Variants in PPA2 observed in about 807,000 individuals in gnomAD.
The protein encoded by PPA2 is inorganic pyrophosphatase 2, mitochondrial.
In PPA2, 48 loss-of-function variants were observed where a neutral mutation model predicts 49.5. That is an observed-to-expected ratio of 0.97 (90% CI 0.77 to 1.23). The LOEUF is 1.23. PPA2 is among the 50% of genes most tolerant of loss of function. The probability of loss-of-function intolerance (pLI) is 0.00; values close to 1 mark genes in which losing one functional copy is unlikely to be tolerated. For missense variants in PPA2, 429 were observed against 410.1 expected (o/e 1.05, Z -0.40); for synonymous variants, 131 against 139.9 (o/e 0.94, Z 0.45).
chr4:105,373,725 A>C (rs1402913817), intron 10 of PPA2, among the ~76,000 whole-genome samples: 2 of 151,440 alleles, frequency 1.3e-5, no homozygotes, highest in African/African-American at 4.9e-5. Context: ...AATTGATAGA[A>C]TATATTCAGA....
intron 7 of PPA2, chr4:105,405,397 C>A (rs895228527): frequency 2.6e-6 from 2 of 782,292 alleles, no homozygotes; most frequent in Non-Finnish European, 3.1e-6. Context: ...ACAACAGACA[C>A]GTTTACTTTT....
intron 7 of PPA2, among the ~76,000 whole-genome samples, chr4:105,418,676 T>C (rs1723116975): frequency 6.6e-6 from 1 of 152,232 alleles, no homozygotes; most frequent in Non-Finnish European, 1.5e-5. Flanking sequence ...ATAAAATCAC[T>C]GCACAGGTAA....
intron 9 of PPA2, among the ~76,000 whole-genome samples, chr4:105,390,277 A>G (rs1202025324): frequency 1.3e-5 from 2 of 152,172 alleles, no homozygotes; most frequent in East Asian, 1.9e-4. Flanking sequence ...CTAAAACACC[A>G]TAAACAATTA....
At chr4:105,420,211 A>G (rs1723192956) in intron 7 of PPA2, among the ~76,000 whole-genome samples, 1 of 152,156 alleles carries the variant, frequency 6.6e-6, no homozygotes, top group Non-Finnish European at 1.5e-5. Flanking sequence ...ACCTCAGGTG[A>G]TCTGCCTGCC....
At chr4:105,446,544 A>C in intron 4 of PPA2, 42 bp from the exon 5 acceptor site, 1 of 1,576,110 alleles carries the variant, frequency 6.3e-7, no homozygotes, top group Non-Finnish European at 8.6e-7. Context: ...TGGGATAAGA[A>C]ATAATTAATT....
intron 9 of PPA2, among the ~76,000 whole-genome samples, chr4:105,391,344 C>CAAAAAAAAAA (rs11373169): frequency 5.9e-5 from 6 of 102,514 alleles, no homozygotes; most frequent in East Asian, 3.1e-4. Context: ...CTTAAAGTAA[C>CAAAAAAAAAA]AAAAAAAAAA....
At chr4:105,433,089 T>C (rs1723886555) in intron 6 of PPA2, among the ~76,000 whole-genome samples, 1 of 152,214 alleles carries the variant, frequency 6.6e-6, no homozygotes, top group Non-Finnish European at 1.5e-5. Flanking sequence ...AGGTTTGGGT[T>C]CCTAAAGGAA....
chr4:105,379,804 T>C lies in PPA2; in HGVS notation c.939+6763A>G, dbSNP rs114466011. On this transcript the variant is annotated intron_variant, in intron 10 of 11. Coordinates refer to ENST00000341695, the MANE Select transcript of PPA2 (RefSeq NM_176869.3). ...GTGCATCACCATGCCCGCCTTATTT[T>C]TGTATATTTAGTAAAGATGGGGTTT... 4.5e-3 allele frequency among the ~76,000 whole-genome samples: 687 copies of C among 152,098 alleles called. 7 individuals carry two copies. The highest frequency in any genetic ancestry group is 0.016 in the African/African-American group (648 of 41,484).
At chr4:105,434,723 T>C (rs1353897123) in intron 6 of PPA2, among the ~76,000 whole-genome samples, 4 of 152,198 alleles carry the variant, frequency 2.6e-5, no homozygotes, top group African/African-American at 9.7e-5. Flanking sequence ...AGATAAGACA[T>C]GTATAGGTTA....
chr4:105,396,468 A>C (rs1347901977), intron 8 of PPA2, 134 bp from the exon 9 acceptor site: 3 of 572,092 alleles, frequency 5.2e-6, no homozygotes, highest in Admixed American at 3.8e-5. Flanking sequence ...GCTTGGTATA[A>C]ATTCTGGCTT....
rs1007281652 is a variant in PPA2, at chr4:105,369,453, G to GA, written c.*271dup. Reference sequence around the variant, plus strand: ...CTGGCCAGGCTGGTCTTGAACTCCTGACCTTGTGATCTGCCCACCTCGGCC... The same window carrying GA: ...CTGGCCAGGCTGGTCTTGAACTCCTGAACCTTGTGATCTGCCCACCTCGGCC... On this transcript the variant is annotated 3_prime_UTR_variant, in exon 12 of 12. Coordinates refer to ENST00000341695, the MANE Select transcript of PPA2 (RefSeq NM_176869.3). 70 of 375,894 alleles carry GA rather than the reference G, an allele frequency of 1.9e-4. No homozygotes were observed. The highest frequency in any genetic ancestry group is 1.4e-3 in the African/African-American group (68 of 47,686). The allele number at this position is 375,894 out of a possible 1,614,324, so 23.3% of individuals were successfully genotyped here.
chr4:105,457,853 C>A (rs1016069914), intron 1 of PPA2, among the ~76,000 whole-genome samples: 2 of 152,180 alleles, frequency 1.3e-5, no homozygotes, highest in Non-Finnish European at 2.9e-5. Context: ...GTGTGAGCCA[C>A]TGCACCTGGC....
At position 105,399,048 on chromosome 4, in the gene PPA2, A is replaced by G. The variant is rs778127919; in HGVS notation, c.772T>C (p.Phe258Leu). Residue 258 changes from phenylalanine to leucine, a missense_variant, in exon 8 of 12, where the codon TTC becomes CTC. By Grantham distance (22) the Phe-to-Leu change is conservative (BLOSUM62 0). Coordinates refer to ENST00000341695, the MANE Select transcript of PPA2 (RefSeq NM_176869.3). ...PENQFAFNGE[F>L]KNKAFALEVI... is the part of the protein sequence containing the mutation. ...ATTCTCATCTTCACCTTGTTTTTGA[A>G]TTCTCCATTAAAAGCAAACTGGTTT... 5 of 1,608,644 alleles carry G rather than the reference A, an allele frequency of 3.1e-6. No homozygotes were observed. The East Asian group carries it at 1.1e-4, about 36-fold the overall frequency.
chr4:105,395,139 A>T (rs754270644), intron 9 of PPA2, among the ~76,000 whole-genome samples: 7 of 151,288 alleles, frequency 4.6e-5, no homozygotes, highest in Non-Finnish European at 8.9e-5. Context: ...CAAGGAGTTG[A>T]CAGTGTTTCT....
intron 1 of PPA2, among the ~76,000 whole-genome samples, chr4:105,466,217 C>T (rs182361786): frequency 1.3e-5 from 2 of 152,178 alleles, no homozygotes; most frequent in East Asian, 1.9e-4. Context: ...AGAACACCCA[C>T]TTGACCTTCT....
At chr4:105,457,943 A>T (rs1447552627) in intron 1 of PPA2, among the ~76,000 whole-genome samples, 1 of 152,188 alleles carries the variant, frequency 6.6e-6, no homozygotes, top group Non-Finnish European at 1.5e-5. Context: ...CTAATGCTGG[A>T]GCAAAGAATA....
At position 105,369,431 on chromosome 4, in the gene PPA2, G is replaced by A; in HGVS notation, c.*294C>T. On this transcript the variant is annotated 3_prime_UTR_variant, in exon 12 of 12. Transcript: ENST00000341695. ...ATAGAGATGGGGTTTCAACATACTG[G>A]CCAGGCTGGTCTTGAACTCCTGACC... 3.2e-6 allele frequency: 1 copy of A among 310,504 alleles called. No homozygotes were observed. Among genetic ancestry groups the A allele is most frequent in the East Asian group, 7.3e-5 (1 of 13,778 alleles). The allele number at this position is 310,504 out of a possible 1,614,324, so 19.2% of individuals were successfully genotyped here.
In PPA2 at chr4:105,453,618, C is replaced by A; in HGVS notation, c.247G>T (p.Ala83Ser). The A allele has an allele frequency of 6.2e-7, 1 of 1,606,232 alleles. No individual in the cohort carries two copies. The highest frequency in any genetic ancestry group is 8.5e-7 in the Non-Finnish European group (1 of 1,176,224). ...TATACCTCATATTCATCATTTCGTG[C>A]TTTCTTCATAGGAATGCCATTTTCC... The part of the protein sequence containing the change: ...KEENGIPMKK[A>S]RNDEYENLFN... Residue 83 changes from alanine to serine, a missense_variant, in exon 3 of 12, where the codon GCA becomes TCA. By Grantham distance (99) the Ala-to-Ser change is moderately conservative. Transcript: ENST00000341695.
chr4:105,410,766 T>C (rs1334998411), intron 7 of PPA2, among the ~76,000 whole-genome samples: 1 of 152,196 alleles, frequency 6.6e-6, no homozygotes, highest in Non-Finnish European at 1.5e-5. Flanking sequence ...TATTCAACAT[T>C]CTTAAAGAAA....
Sources: gnomAD v4.1 joint callset for allele counts (sites outside exome capture counted in the v4.1 genomes callset) on GRCh38, gnomAD v4.1.1 for gene constraint, MANE v1.5 for transcripts, NCBI Gene and HGNC (gene_info 2026-07-23, HGNC 2026-07-21) for gene names.